Variants in METTL16 observed in about 807,000 individuals in gnomAD.
The protein encoded by METTL16 is RNA N(6)-adenosine-methyltransferase METTL16.
A neutral mutation model predicts 57.9 loss-of-function variants in METTL16; 19 were observed. That is an observed-to-expected ratio of 0.33 (90% confidence interval 0.23 to 0.48). The LOEUF is 0.48. Ranked by LOEUF, METTL16 falls within the 20% of genes least tolerant of loss-of-function variation. The pLI is 0.99. For synonymous variants in METTL16, 246 were observed against 255.6 expected (o/e 0.96, Z 0.36); for missense variants, 434 against 691.5 (o/e 0.63, Z 4.18).
At chr17:2,477,035 A>G (rs2067273292) in intron 3 of METTL16, among the ~76,000 whole-genome samples, 1 of 150,784 alleles carries the variant, frequency 6.6e-6, no homozygotes, top group African/African-American at 2.4e-5. Flanking sequence ...CAGACATCAA[A>G]GTGGTAATCT....
chr17:2,482,090 TA>T (rs2067311362), intron 2 of METTL16, among the ~76,000 whole-genome samples: 1 of 152,150 alleles, frequency 6.6e-6, no homozygotes, highest in Non-Finnish European at 1.5e-5. Flanking sequence ...ACATTTTGAG[TA>T]TACAGGAACT....
chr17:2,442,978 C>T (rs1251698413), intron 6 of METTL16, among the ~76,000 whole-genome samples: 1 of 151,662 alleles, frequency 6.6e-6, no homozygotes, highest in Non-Finnish European at 1.5e-5. Context: ...TATGTGTGTG[C>T]CACCACGCCC....
intron 6 of METTL16, among the ~76,000 whole-genome samples, chr17:2,462,006 G>T (rs1157088437): frequency 6.6e-6 from 1 of 152,158 alleles, no homozygotes; most frequent in African/African-American, 2.4e-5. Context: ...TACATCCAAA[G>T]AAATGAAAGC....
At chr17:2,493,248 C>T (rs1337380138) in intron 2 of METTL16, among the ~76,000 whole-genome samples, 1 of 151,276 alleles carries the variant, frequency 6.6e-6, no homozygotes, top group Non-Finnish European at 1.5e-5. Context: ...GCCACCACGC[C>T]CGGCTAATTT....
chr17:2,465,709 A>AAAAAAAATT (rs1316936036), intron 5 of METTL16, among the ~76,000 whole-genome samples: 2 of 150,932 alleles, frequency 1.3e-5, no homozygotes, highest in African/African-American at 4.9e-5. Flanking sequence ...ATAAAAATGC[A>AAAAAAAATT]AAAAAAATTA....
intron 2 of METTL16, among the ~76,000 whole-genome samples, chr17:2,497,023 T>C (rs2067450473): frequency 6.6e-6 from 1 of 151,772 alleles, no homozygotes; most frequent in South Asian, 2.1e-4. Flanking sequence ...TTTATTTTCT[T>C]GAGGCAGACT....
At chr17:2,463,601 A>C (rs2067168061) in intron 6 of METTL16, among the ~76,000 whole-genome samples, 1 of 151,968 alleles carries the variant, frequency 6.6e-6, no homozygotes, top group African/African-American at 2.4e-5. Flanking sequence ...AGCTGGGACT[A>C]CAGGCACCCA....
chr17:2,422,457 T>G (rs1329367420), intron 8 of METTL16, among the ~76,000 whole-genome samples: 1 of 151,318 alleles, frequency 6.6e-6, no homozygotes, highest in Non-Finnish European at 1.5e-5. Context: ...CTCGGCTCAC[T>G]GCAACCTCCA....
intron 6 of METTL16, among the ~76,000 whole-genome samples, chr17:2,453,997 T>G (rs537931360): frequency 7.2e-5 from 11 of 152,204 alleles, no homozygotes; most frequent in Non-Finnish European, 1.5e-4. Context: ...ATCCCCTGTA[T>G]GTACTGTATC....
At chr17:2,488,362 G>A (rs570824534) in intron 2 of METTL16, among the ~76,000 whole-genome samples, 3 of 152,280 alleles carry the variant, frequency 2.0e-5, no homozygotes, top group Admixed American at 2.0e-4. Context: ...TTTGAGACCA[G>A]CCTGGCCAAT....
chr17:2,507,482 C>T (rs1285773032), intron 1 of METTL16, among the ~76,000 whole-genome samples: 6 of 136,316 alleles, frequency 4.4e-5, no homozygotes, highest in African/African-American at 2.7e-5. Context: ...CCCGGACAGC[C>T]GCCCTGTCCG....
At chr17:2,478,008 C>A in intron 2 of METTL16, 123 bp from the exon 3 acceptor site, 1 of 706,562 alleles carries the variant, frequency 1.4e-6, no homozygotes, top group Non-Finnish European at 2.4e-6. Context: ...CACACAGTTA[C>A]ACAGAGCACT....
At chr17:2,430,542 A>G (rs2066866098) in intron 8 of METTL16, among the ~76,000 whole-genome samples, 1 of 149,080 alleles carries the variant, frequency 6.7e-6, no homozygotes, top group African/African-American at 2.5e-5. Flanking sequence ...CAGCCTCCTG[A>G]GTAGCTGGGA....
intron 6 of METTL16, among the ~76,000 whole-genome samples, chr17:2,462,184 A>C (rs541995776): frequency 6.6e-6 from 1 of 152,350 alleles, no homozygotes; most frequent in East Asian, 1.9e-4. Context: ...GCATCATGGA[A>C]GAACCTTGAA....
chr17:2,505,863 T>C (rs2067528949), intron 1 of METTL16, among the ~76,000 whole-genome samples: 2 of 152,196 alleles, frequency 1.3e-5, no homozygotes, highest in Admixed American at 6.5e-5. Flanking sequence ...TCAGCCTACA[T>C]GCAAGGCACT....
rs140485641 is a variant in METTL16, at chr17:2,483,636, C to G, written c.129-5751G>C. ...GCTTTACTCAATAGCACGCAATGGC[C>G]TCAATCAATTTTCACATAAAAAAAA... On this transcript the variant is annotated intron_variant, in intron 2 of 9. Transcript: ENST00000263092. 5.5e-4 allele frequency among the ~76,000 whole-genome samples: 83 copies of G among 152,232 alleles called. No homozygotes were observed. In the East Asian group the frequency reaches 0.015, roughly 28 times the overall value.
chr17:2,477,608 T>C lies in METTL16; in HGVS notation c.328+78A>G, dbSNP rs2067277240. ...CTTTTGTACAACAACAAATACCCAG[T>C]AGAAAAGTTTACAAAGAATTTGATC... On this transcript the variant is annotated intron_variant, in intron 3 of 9. Transcript: ENST00000263092. The C allele has an allele frequency of 3.8e-6, 4 of 1,061,664 alleles. No individual in the cohort carries two copies. The South Asian group carries it at 4.0e-5, about 11-fold the overall frequency. The allele number at this position is 1,061,664 out of a possible 1,614,324, so 65.8% of individuals were successfully genotyped here.
chr17:2,453,975 G>A (rs570308114), intron 6 of METTL16, among the ~76,000 whole-genome samples: 4 of 151,746 alleles, frequency 2.6e-5, no homozygotes, highest in East Asian at 3.9e-4. Flanking sequence ...TTTATTCATC[G>A]GCATCCACTC....
intron 8 of METTL16, among the ~76,000 whole-genome samples, chr17:2,434,236 T>C (rs146201615): frequency 0.012 from 1,848 of 152,312 alleles, 37 homozygotes; most frequent in African/African-American, 0.041. Context: ...TCTCACTCTG[T>C]CACCCAGGCT....
Sources: gnomAD v4.1 joint callset for allele counts (sites outside exome capture counted in the v4.1 genomes callset) on GRCh38, gnomAD v4.1.1 for gene constraint, MANE v1.5 for transcripts, NCBI Gene and HGNC (gene_info 2026-07-23, HGNC 2026-07-21) for gene names.